Variants in SLC25A12 observed in about 807,000 individuals in gnomAD.
SLC25A12 encodes solute carrier family 25 member 12.
In SLC25A12, 32 loss-of-function variants were observed where a neutral mutation model predicts 83.3. The ratio of observed to expected loss-of-function variants is 0.38; its 90% confidence interval spans 0.29 to 0.52. The LOEUF is 0.52. SLC25A12 is among the 20% of genes least tolerant of loss of function. The probability of loss-of-function intolerance (pLI) is 0.84; values close to 1 mark genes in which losing one functional copy is unlikely to be tolerated. For missense variants in SLC25A12, 611 were observed against 835.6 expected, an observed-to-expected ratio of 0.73 and a Z score of 3.31; for synonymous variants, 267 against 291.1, an observed-to-expected ratio of 0.92 and a Z score of 0.84.
At chr2:171,844,076 C>A (rs952657359) in intron 5 of SLC25A12, among the ~76,000 whole-genome samples, 1 of 151,986 alleles carries the variant, frequency 6.6e-6, no homozygotes, top group South Asian at 2.1e-4. Flanking sequence ...TGAGCCACTG[C>A]GCCCAGTCGT....
At chr2:171,872,612 G>C (rs923367707) in intron 2 of SLC25A12, among the ~76,000 whole-genome samples, 4 of 152,138 alleles carry the variant, frequency 2.6e-5, no homozygotes, top group South Asian at 4.1e-4. Context: ...CCAGTAACTA[G>C]AATATGGGTT....
rs1683921020 is a variant in SLC25A12, at chr2:171,810,239, C to T, written c.1209G>A (p.Lys403=). The T allele has an allele frequency of 1.2e-6, 2 of 1,613,346 alleles. No individual in the cohort carries two copies. The highest frequency in any genetic ancestry group is 3.3e-5 in the Admixed American group (2 of 59,994). ...ATAAACTTACAGTCAGTTTAATGGC[C>T]TTTTCTGGAGCAACCCCTATAAGTT... ...IPQLIGVAPE[K]AIKLTVNDFV... Residue 403 remains lysine (K), a synonymous_variant, in exon 12 of 18, where the codon AAG becomes AAA. Coordinates refer to ENST00000422440, the MANE Select transcript of SLC25A12 (RefSeq NM_003705.5).
chr2:171,820,727 C>CAAAAAAAA (rs375978724), intron 9 of SLC25A12, among the ~76,000 whole-genome samples: 1 of 109,620 alleles, frequency 9.1e-6, no homozygotes. Context: ...GACTCCGTCT[C>CAAAAAAAA]AAAAAAAAAA....
Position 171,868,019 on chromosome 2 carries a change from A to AT in SLC25A12, c.209+661dup, listed in dbSNP as rs1303477776. Reference sequence around the variant, plus strand: ...GTCACCGTGTCTGGCTAATTTTTGTATTTTTTTTAGTAGAGATGGGGTTTC... The same window carrying AT: ...GTCACCGTGTCTGGCTAATTTTTGTATTTTTTTTTAGTAGAGATGGGGTTTC... On this transcript the variant is annotated intron_variant, in intron 3 of 17. Transcript: ENST00000422440. Among the ~76,000 whole-genome samples, 86 of 151,138 alleles carry AT rather than the reference A, an allele frequency of 5.7e-4. 1 individual carries two copies. The highest frequency in any genetic ancestry group is 2.9e-3 in the South Asian group (14 of 4,796).
chr2:171,890,852 T>C (rs953719774), intron 2 of SLC25A12, among the ~76,000 whole-genome samples: 4 of 152,182 alleles, frequency 2.6e-5, no homozygotes, highest in African/African-American at 9.7e-5. Context: ...CACTCTCTTA[T>C]CTATCAATAA....
chr2:171,855,924 C>A lies in SLC25A12; in HGVS notation c.235G>T (p.Ala79Ser). The change falls in exon 4 of 18, where the codon GCA becomes TCA. Residue 79 changes from alanine (A) to serine (S), a missense_variant. Coordinates refer to ENST00000422440, the MANE Select transcript of SLC25A12 (RefSeq NM_003705.5). Reference protein sequence around the residue: ...DGLISYQEFLAFESVLCAPDS... With the variant: ...DGLISYQEFLSFESVLCAPDS... ...GGAGCACATAAAACAGATTCAAATG[C>A]CAAAAACTCTTGATAGGAGATCAAC... 1 of 1,610,844 alleles carries A rather than the reference C, an allele frequency of 6.2e-7. No homozygotes were observed. Among genetic ancestry groups the A allele is most frequent in the Non-Finnish European group, 8.5e-7 (1 of 1,177,102 alleles).
At chr2:171,877,361 G>C (rs941355013) in intron 2 of SLC25A12, among the ~76,000 whole-genome samples, 6 of 152,096 alleles carry the variant, frequency 3.9e-5, no homozygotes, top group Non-Finnish European at 7.4e-5. Context: ...TTAACCTTAA[G>C]TGACCTTTAG....
rs764606563 is a variant in SLC25A12 at position 171,785,313 on chromosome 2, A to G, written c.1998T>C (p.Ala666=). The change falls in exon 18 of 18, where the codon GCT becomes GCC. Residue 666 remains alanine, a synonymous_variant. Coordinates refer to ENST00000422440, the MANE Select transcript of SLC25A12 (RefSeq NM_003705.5). ...CCACTGCTGCCTTTGGCTGAACCAC[A>G]GCAACACTAGGAGACTTAAATTTCG... ...YLPKFKSPSV[A]VVQPKAAVAA... is the part of the protein sequence containing the mutation. The G allele has an allele frequency of 3.7e-6, 6 of 1,614,190 alleles. No homozygotes were observed. Among genetic ancestry groups the G allele is most frequent in the Non-Finnish European group, 8.5e-7 (1 of 1,180,028 alleles).
rs540141400 is a variant in SLC25A12, at chr2:171,845,508, T to C, written c.326-1000A>G. 1.7e-3 allele frequency among the ~76,000 whole-genome samples: 252 copies of C among 152,312 alleles called. 1 individual carries two copies. The highest frequency in any genetic ancestry group is 0.011 in the South Asian group (52 of 4,826). ...GAAAGAGTTTTGCCATCGATAGCTA[T>C]CAGTTATACTAGAGAATTAGTAAAT... On this transcript the variant is annotated intron_variant, in intron 4 of 17. Transcript: ENST00000422440.
In SLC25A12 at chr2:171,847,755, A is replaced by G. The variant is rs558019913; in HGVS notation, c.326-3247T>C. Among the ~76,000 whole-genome samples, 5 of 152,372 alleles carry G rather than the reference A, an allele frequency of 3.3e-5. No homozygotes were observed. The East Asian group carries it at 5.8e-4, about 18-fold the overall frequency. ...TTAGTTTTCTGACATATAGAAAACA[A>G]AAGACAACTTTTTCACTTCCTGCAG... is the stretch of plus-strand genomic sequence containing the variant. On this transcript the variant is annotated intron_variant, in intron 4 of 17. Coordinates refer to ENST00000422440, the MANE Select transcript of SLC25A12 (RefSeq NM_003705.5).
intron 9 of SLC25A12, among the ~76,000 whole-genome samples, chr2:171,816,875 C>T (rs1429743288): frequency 6.6e-6 from 1 of 152,150 alleles, no homozygotes. Context: ...AGATTCACTG[C>T]TTGTGACTCC....
intron 13 of SLC25A12, among the ~76,000 whole-genome samples, chr2:171,802,943 A>G (rs1039784872): frequency 6.6e-5 from 10 of 151,758 alleles, no homozygotes; most frequent in Non-Finnish European, 1.5e-4. Context: ...GAGTCAACAA[A>G]ACTTCCATCT....
rs1013914115 is a variant in SLC25A12 at position 171,788,394 on chromosome 2, G to A, written c.1586-447C>T. The A allele has an allele frequency of 2.0e-5, 4 of 199,764 alleles. No individual in the cohort carries two copies. The Admixed American group carries it at 2.2e-4, about 11-fold the overall frequency. 12.4% of individuals were successfully genotyped at this position (199,764 alleles called of 1,614,324 possible). On this transcript the variant is annotated intron_variant, in intron 15 of 17. Transcript: ENST00000422440. The stretch of plus-strand genomic sequence containing the variant: ...ACTACTGTTTTTGCTGATTCTTGTC[G>A]TAGTGTGGGAAGTGAATATCAATAC...
chr2:171,820,378 G>T (rs1342032729), intron 9 of SLC25A12, among the ~76,000 whole-genome samples: 2 of 152,002 alleles, frequency 1.3e-5, no homozygotes, highest in Non-Finnish European at 2.9e-5. Context: ...ACCCAAGCAG[G>T]TCTATCACAG....
intron 6 of SLC25A12, among the ~76,000 whole-genome samples, chr2:171,836,386 G>A (rs1175710326): frequency 6.6e-6 from 1 of 152,212 alleles, no homozygotes; most frequent in Non-Finnish European, 1.5e-5. Context: ...ACGGGTAAGT[G>A]AGGAAAGTTT....
intron 9 of SLC25A12, among the ~76,000 whole-genome samples, chr2:171,819,101 T>A (rs1684116470): frequency 7.1e-6 from 1 of 140,834 alleles, no homozygotes; most frequent in African/African-American, 2.6e-5. Flanking sequence ...AATATATATA[T>A]ACATAAAATA....
At chr2:171,848,594 G>C (rs1462888104) in intron 4 of SLC25A12, among the ~76,000 whole-genome samples, 1 of 152,090 alleles carries the variant, frequency 6.6e-6, no homozygotes, top group Non-Finnish European at 1.5e-5. Flanking sequence ...GGAGGAAAGA[G>C]GAGGAACAAC....
intron 13 of SLC25A12, among the ~76,000 whole-genome samples, chr2:171,805,400 C>T (rs1464464126): frequency 1.3e-5 from 2 of 152,130 alleles, no homozygotes; most frequent in African/African-American, 2.4e-5. Flanking sequence ...CGTGAGCCAC[C>T]GCCCCCGGCC....
At chr2:171,787,525 T>C in intron 17 of SLC25A12, 46 bp downstream of exon 17, 1 of 1,399,272 alleles carries the variant, frequency 7.1e-7, no homozygotes, top group South Asian at 1.2e-5. Context: ...AACATTTGTT[T>C]TGGACTTAGT....
Sources: allele counts gnomAD v4.1 joint callset (sites outside exome capture counted in the v4.1 genomes callset), GRCh38; gene constraint gnomAD v4.1.1; transcripts MANE v1.5; gene names NCBI Gene and HGNC (gene_info 2026-07-23, HGNC 2026-07-21).